The following NOS2 variants were observed in gnomAD, a reference collection of about 807,000 sequenced individuals.
NOS2 encodes nitric oxide synthase, inducible.
In NOS2, 96 loss-of-function variants were observed where a neutral mutation model predicts 136.0. That is an observed-to-expected ratio of 0.71 (90% CI 0.60 to 0.84). The LOEUF (loss-of-function observed/expected upper bound fraction) is 0.84. Among genes scored for constraint, NOS2 ranks in the 40% least tolerant of loss-of-function variants. The pLI, the probability that NOS2 is intolerant of heterozygous loss-of-function variation, is 0.00. For synonymous variants in NOS2, 539 were observed against 587.5 expected, an observed-to-expected ratio of 0.92 and a Z score of 1.20; for missense variants, 1,237 against 1,496.9, an observed-to-expected ratio of 0.83 and a Z score of 2.87.
intron 2 of NOS2, among the ~76,000 whole-genome samples, chr17:27,790,994 A>G (rs917849107): frequency 3.3e-5 from 5 of 152,192 alleles, no homozygotes; most frequent in Admixed American, 6.5e-5. Flanking sequence ...AGGGTCTCAC[A>G]TTTTCTACTT....
chr17:27,778,624 A>G (rs1433341886), intron 11 of NOS2, 66 bp downstream of exon 11: 3 of 1,294,946 alleles, frequency 2.3e-6, no homozygotes, highest in Non-Finnish European at 3.4e-6. Flanking sequence ...TAAGCATCAC[A>G]TAAGTCACTG....
chr17:27,771,028 C>T lies in NOS2; in HGVS notation c.1705-11G>A. 6.2e-7 allele frequency: 1 copy of T among 1,603,298 alleles called. No individual in the cohort carries two copies. The highest frequency in any genetic ancestry group is 2.2e-5 in the East Asian group (1 of 44,782). On this transcript the variant is annotated splice_polypyrimidine_tract_variant and intron_variant, in intron 14 of 26. Transcript: ENST00000313735. ...ATCCATGCAGACAACCTGGATGGCA[C>T]CCAAGTGGACATCAGCCCTCGGCTC... is the stretch of plus-strand genomic sequence containing the variant.
intron 26 of NOS2, among the ~76,000 whole-genome samples, chr17:27,757,961 C>T (rs1413190280): frequency 6.6e-6 from 1 of 152,164 alleles, no homozygotes; most frequent in African/African-American, 2.4e-5. Flanking sequence ...TCCTCCTCAC[C>T]ATCTCAGGTT....
At chr17:27,799,329 A>G (rs574212303) in intron 1 of NOS2, among the ~76,000 whole-genome samples, 1 of 152,352 alleles carries the variant, frequency 6.6e-6, no homozygotes, top group East Asian at 1.9e-4. Context: ...ATTACTGGGG[A>G]AAGCACTCAA....
At position 27,774,449 on chromosome 17, in the gene NOS2, C is replaced by A; in HGVS notation, c.1284G>T (p.Lys428Asn). 6.8e-7 allele frequency: 1 copy of A among 1,469,564 alleles called. No homozygotes were observed. Among genetic ancestry groups the A allele is most frequent in the Non-Finnish European group, 9.1e-7 (1 of 1,102,640 alleles). The allele number at this position is 1,469,564 out of a possible 1,614,324, so 91.0% of individuals were successfully genotyped here. ...GGTGGTCCATGATGGTCACATTCTG[C>A]TTCTGTATCAGAAGGCAAGATAGGG... ...INIAVLHSFQ[K>N]QNVTIMDHHS... Residue 428 changes from lysine to asparagine, a missense_variant and splice_region_variant, in exon 12 of 27, where the codon AAG becomes AAT. By Grantham distance (94) the Lys-to-Asn change is moderately conservative. Around this residue, in one of 3 missense-constraint regions of NOS2, gnomAD observed 15 missense variants for 41.6 expected, o/e 0.36. Coordinates refer to ENST00000313735, the MANE Select transcript of NOS2 (RefSeq NM_000625.4).
chr17:27,797,492 A>C (rs866999750), intron 2 of NOS2, among the ~76,000 whole-genome samples: 1 of 152,334 alleles, frequency 6.6e-6, no homozygotes, highest in Middle Eastern at 3.4e-3. Flanking sequence ...CTGAGTGGCA[A>C]AGCCACTTGC....
chr17:27,775,046 C>T (rs926659394), intron 11 of NOS2, among the ~76,000 whole-genome samples: 17 of 152,230 alleles, frequency 1.1e-4, no homozygotes, highest in Non-Finnish European at 2.9e-5. Flanking sequence ...TCTGTGGCAA[C>T]CCATTCAGTC....
chr17:27,773,636 C>T (rs528946168), intron 12 of NOS2, among the ~76,000 whole-genome samples: 4 of 152,230 alleles, frequency 2.6e-5, no homozygotes, highest in South Asian at 2.1e-4. Context: ...CAGGACATGC[C>T]GTCACCCTGC....
intron 20 of NOS2, among the ~76,000 whole-genome samples, chr17:27,764,714 GA>G: frequency 6.6e-6 from 1 of 152,236 alleles, no homozygotes; most frequent in Admixed American, 6.5e-5. Context: ...AAACAGATCT[GA>G]TAGCACAACC....
intron 17 of NOS2, among the ~76,000 whole-genome samples, chr17:27,768,531 G>A (rs1908385702): frequency 6.6e-6 from 1 of 152,212 alleles, no homozygotes; most frequent in Non-Finnish European, 1.5e-5. Context: ...CTCTGCATGA[G>A]TGACGAGTTC....
chr17:27,767,931 A>T, intron 17 of NOS2, 94 bp from the exon 18 acceptor site: 1 of 1,496,952 alleles, frequency 6.7e-7, no homozygotes, highest in Non-Finnish European at 9.1e-7. Flanking sequence ...ACCATGGGCC[A>T]AACACTGAGC....
intron 1 of NOS2, among the ~76,000 whole-genome samples, chr17:27,799,678 C>CA (rs1313687868): frequency 6.6e-6 from 1 of 151,452 alleles, no homozygotes; most frequent in South Asian, 2.1e-4. Context: ...ACCTTGACTA[C>CA]AAAAAATTGA....
At position 27,765,714 on chromosome 17, in the gene NOS2, C is replaced by G. The variant is rs150704221; in HGVS notation, c.2249G>C (p.Arg750Pro). 6.3e-7 allele frequency: 1 copy of G among 1,598,334 alleles called. No homozygotes were observed. The highest frequency in any genetic ancestry group is 1.7e-5 in the Admixed American group (1 of 57,542). Reference sequence around the variant, plus strand: ...GGAGAGTTCCACCAGGATGGTGGCACGGCTGGGGAAGGAAAATGAAGCCTC... The same window carrying G: ...GGAGAGTTCCACCAGGATGGTGGCAGGGCTGGGGAAGGAAAATGAAGCCTC... ...RQNLQSPTSS[R>P]ATILVELSCE... Residue 750 changes from arginine (R) to proline (P), a missense_variant and splice_region_variant, in exon 20 of 27, where the codon CGT (arginine) becomes CCT (proline). Transcript: ENST00000313735.
intron 5 of NOS2, among the ~76,000 whole-genome samples, chr17:27,787,093 A>C (rs1909044461): frequency 6.6e-6 from 1 of 152,200 alleles, no homozygotes. Context: ...GGCAAAGAGC[A>C]ATGGCCTGCC....
At chr17:27,764,655 C>T (rs1259059744) in intron 20 of NOS2, among the ~76,000 whole-genome samples, 2 of 152,224 alleles carry the variant, frequency 1.3e-5, no homozygotes, top group African/African-American at 4.8e-5. Flanking sequence ...CCCTGGCTCC[C>T]CACTTCTGAG....
chr17:27,796,193 C>G (rs1013099994), intron 2 of NOS2, among the ~76,000 whole-genome samples: 5 of 152,102 alleles, frequency 3.3e-5, no homozygotes, highest in African/African-American at 1.2e-4. Context: ...TGGCTCACAC[C>G]TGTAATAGCA....
chr17:27,765,318 T>C (rs1322885317), intron 20 of NOS2, among the ~76,000 whole-genome samples: 1 of 152,224 alleles, frequency 6.6e-6, no homozygotes, highest in African/African-American at 2.4e-5. Flanking sequence ...GCCACTGCAT[T>C]GAGGGGGATG....
chr17:27,791,431 T>C (rs2142526354), intron 2 of NOS2, among the ~76,000 whole-genome samples: 1 of 152,262 alleles, frequency 6.6e-6, no homozygotes, highest in Non-Finnish European at 1.5e-5. Context: ...AGGGTCCTCA[T>C]CCTCCATCCT....
In NOS2 at chr17:27,760,621, A is replaced by C. The variant is rs1468268153; in HGVS notation, c.3010+2T>G. On this transcript the variant is annotated splice_donor_variant, in intron 24 of 26. Transcript: ENST00000313735. LOFTEE classifies it high-confidence loss of function. The stretch of plus-strand genomic sequence containing the variant: ...TCCCACCTGGGAAGCCTCCAGCCTT[A>C]CCCTTGTGCTGGGAGTCATGGAGCC... 6.4e-7 allele frequency: 1 copy of C among 1,553,022 alleles called. No homozygotes were observed. Among genetic ancestry groups the C allele is most frequent in the Non-Finnish European group, 8.7e-7 (1 of 1,147,914 alleles).
Sources: allele counts gnomAD v4.1 joint callset (sites outside exome capture counted in the v4.1 genomes callset), GRCh38; gene constraint gnomAD v4.1.1; regional missense constraint gnomAD v4.1.1; transcripts MANE v1.5; gene names NCBI Gene and HGNC (gene_info 2026-07-23, HGNC 2026-07-21).